Variants in PLSCR4 observed in about 807,000 individuals in gnomAD.
The protein encoded by PLSCR4 is phospholipid scramblase 4.
Under a neutral mutation model 36.3 loss-of-function variants are expected in PLSCR4, and 25 were observed. That is an observed-to-expected ratio of 0.69 (90% CI 0.50 to 0.96). PLSCR4 has a LOEUF of 0.96. Ranked by LOEUF, PLSCR4 falls within the 40% of genes least tolerant of loss-of-function variation. The probability of loss-of-function intolerance (pLI) is 0.00; values close to 1 mark genes in which losing one functional copy is unlikely to be tolerated. For synonymous variants in PLSCR4, 122 were observed against 132.9 expected (o/e 0.92, Z 0.56); for missense variants, 408 against 414.7 (o/e 0.98, Z 0.14).
chr3:146,246,361 C>G (rs2036338871), intron 1 of PLSCR4, among the ~76,000 whole-genome samples: 1 of 151,790 alleles, frequency 6.6e-6, no homozygotes, highest in South Asian at 2.1e-4. Flanking sequence ...CATCATGACT[C>G]CTTCAAAAGA....
intron 3 of PLSCR4, among the ~76,000 whole-genome samples, chr3:146,220,410 G>A (rs1035253205): frequency 3.3e-5 from 5 of 152,118 alleles, no homozygotes; most frequent in Middle Eastern, 3.4e-3. Context: ...CTGTACTTAC[G>A]GACATATGAT....
intron 1 of PLSCR4, among the ~76,000 whole-genome samples, chr3:146,246,966 C>T (rs572956372): frequency 6.6e-6 from 1 of 152,052 alleles, no homozygotes; most frequent in Non-Finnish European, 1.5e-5. Context: ...TTTTTTCCTC[C>T]AATAGATTTT....
At chr3:146,222,583 G>C (rs2035216405) in intron 1 of PLSCR4, 1 of 152,524 alleles carries the variant, frequency 6.6e-6, no homozygotes, top group African/African-American at 2.4e-5. Flanking sequence ...AGAGATGGCA[G>C]TGAGCATGGG....
chr3:146,202,266 A>G (rs1176161823), intron 4 of PLSCR4, among the ~76,000 whole-genome samples: 2 of 152,024 alleles, frequency 1.3e-5, no homozygotes, highest in African/African-American at 2.4e-5. Flanking sequence ...AATATAAACT[A>G]CAGGCATACT....
At chr3:146,221,155 C>T (rs1249282323) in intron 2 of PLSCR4, among the ~76,000 whole-genome samples, 2 of 152,098 alleles carry the variant, frequency 1.3e-5, no homozygotes, top group Non-Finnish European at 2.9e-5. Context: ...TTATATTATG[C>T]TTGTGATCAA....
chr3:146,209,970 C>T lies in PLSCR4; in HGVS notation c.119-3209G>A, dbSNP rs575892730. The stretch of plus-strand genomic sequence containing the variant: ...TTTTATGTTAAGATTTCAGTATAGT[C>T]GTCCCTTGATATTCATAAAGGATTG... On this transcript the variant is annotated intron_variant, in intron 3 of 8. Transcript: ENST00000354952. 1.2e-4 allele frequency among the ~76,000 whole-genome samples: 19 copies of T among 152,110 alleles called. 1 individual carries two copies. In the South Asian group the frequency reaches 3.5e-3, roughly 28 times the overall value.
At chr3:146,227,995 T>A (rs1447767781) in intron 1 of PLSCR4, among the ~76,000 whole-genome samples, 1 of 152,208 alleles carries the variant, frequency 6.6e-6, no homozygotes, top group Non-Finnish European at 1.5e-5. Flanking sequence ...TCTGACACAC[T>A]TCAGACAGTA....
chr3:146,218,149 G>GT (rs2034975861), intron 3 of PLSCR4, among the ~76,000 whole-genome samples: 1 of 152,060 alleles, frequency 6.6e-6, no homozygotes, highest in South Asian at 2.1e-4. Context: ...AAAGTATAAC[G>GT]TATTTGGAAA....
chr3:146,210,821 A>G (rs1451204462), intron 3 of PLSCR4, among the ~76,000 whole-genome samples: 1 of 149,908 alleles, frequency 6.7e-6, no homozygotes, highest in Admixed American at 6.7e-5. Flanking sequence ...CATGTAAATG[A>G]AAACATACAA....
intron 1 of PLSCR4, among the ~76,000 whole-genome samples, chr3:146,230,625 G>C (rs562078758): frequency 6.6e-6 from 1 of 152,122 alleles, no homozygotes; most frequent in African/African-American, 2.4e-5. Flanking sequence ...CAGAGAGAGC[G>C]AGGAGGAGCA....
Position 146,199,869 on chromosome 3 carries a change from G to T in PLSCR4, c.568C>A (p.Gln190Lys), listed in dbSNP as rs548991665. ...DCMGREIMTM[Q>K]RPFRCTCCCF... ...CAGCAGGTGCATCTGAAGGGTCTCTGCATTGTCATGATTTCTCGGCCCATA... is the reference window on the plus strand; with the variant it reads ...CAGCAGGTGCATCTGAAGGGTCTCTTCATTGTCATGATTTCTCGGCCCATA... Residue 190 changes from glutamine (Q) to lysine (K), a missense_variant, in exon 6 of 9, where the codon CAG becomes AAG. By Grantham distance (53) the Gln-to-Lys change is moderately conservative. Transcript: ENST00000354952. The T allele has an allele frequency of 1.2e-6, 2 of 1,613,572 alleles. No individual in the cohort carries two copies. Among genetic ancestry groups the T allele is most frequent in the South Asian group, 1.1e-5 (1 of 91,066 alleles).
intron 1 of PLSCR4, among the ~76,000 whole-genome samples, chr3:146,248,544 T>TTTAACTTTAACTTTAAC (rs10662243): frequency 6.6e-5 from 10 of 151,490 alleles, no homozygotes; most frequent in Admixed American, 2.0e-4. Flanking sequence ...GTGTTTTAAC[T>TTTAACTTTAACTTTAAC]TTATGTTTTG....
At chr3:146,235,655 G>T (rs1446016012) in intron 1 of PLSCR4, among the ~76,000 whole-genome samples, 1 of 152,198 alleles carries the variant, frequency 6.6e-6, no homozygotes, top group Admixed American at 6.5e-5. Context: ...ACAGGCAGAG[G>T]TTGAAACAGC....
At position 146,192,762 on chromosome 3, in the gene PLSCR4, T is replaced by C. The variant is rs554458210; in HGVS notation, c.*1649A>G. The C allele has an allele frequency of 2.2e-4, 33 of 152,046 alleles. No homozygotes were observed. In the South Asian group the frequency reaches 6.6e-3, roughly 31 times the overall value. 9.4% of individuals were successfully genotyped at this position (152,046 alleles called of 1,614,324 possible). The stretch of plus-strand genomic sequence containing the variant: ...ATACATAGTCTACTTACGATTGCAA[T>C]GGCACTTTCAAATATAAGGCAATTA... On this transcript the variant is annotated 3_prime_UTR_variant, in exon 9 of 9. Transcript: ENST00000354952.
chr3:146,209,411 T>G (rs1451848978), intron 3 of PLSCR4, among the ~76,000 whole-genome samples: 1 of 152,016 alleles, frequency 6.6e-6, no homozygotes, highest in Non-Finnish European at 1.5e-5. Flanking sequence ...CCCAAAATCC[T>G]ATGGAAATAA....
At chr3:146,219,185 A>G (rs1373422306) in intron 3 of PLSCR4, among the ~76,000 whole-genome samples, 2 of 152,196 alleles carry the variant, frequency 1.3e-5, no homozygotes, top group African/African-American at 4.8e-5. Context: ...TTACCTTGTC[A>G]TTTAATTTGA....
At chr3:146,232,653 G>T (rs1482238305) in intron 1 of PLSCR4, among the ~76,000 whole-genome samples, 1 of 152,088 alleles carries the variant, frequency 6.6e-6, no homozygotes, top group Non-Finnish European at 1.5e-5. Flanking sequence ...GCCATTACTG[G>T]TGTATAGAAA....
At chr3:146,234,554 T>C (rs931446403) in intron 1 of PLSCR4, among the ~76,000 whole-genome samples, 3 of 152,094 alleles carry the variant, frequency 2.0e-5, no homozygotes, top group Non-Finnish European at 4.4e-5. Context: ...CCCTTTTTTT[T>C]CTCTCTGCCT....
At chr3:146,225,553 G>A (rs2035421230) in intron 1 of PLSCR4, among the ~76,000 whole-genome samples, 1 of 152,204 alleles carries the variant, frequency 6.6e-6, no homozygotes, top group Non-Finnish European at 1.5e-5. Context: ...GGCATGGCAG[G>A]CAGCAGGTCC....
Sources: allele counts gnomAD v4.1 joint callset (sites outside exome capture counted in the v4.1 genomes callset), GRCh38; gene constraint gnomAD v4.1.1; transcripts MANE v1.5; gene names NCBI Gene and HGNC (gene_info 2026-07-23, HGNC 2026-07-21).